The following GTF2I variants were observed in gnomAD, a reference collection of about 807,000 sequenced individuals.
GTF2I encodes general transcription factor IIi.
GTF2I carries 12 observed loss-of-function variants against 67.6 expected under a neutral mutation model. That is an observed-to-expected ratio of 0.18 (90% CI 0.11 to 0.29). The LOEUF (loss-of-function observed/expected upper bound fraction) is 0.29. Among genes scored for constraint, GTF2I ranks in the 10% least tolerant of loss-of-function variants. The probability of loss-of-function intolerance (pLI) is 1.00; values close to 1 mark genes in which losing one functional copy is unlikely to be tolerated. For synonymous variants in GTF2I, 149 were observed against 197.0 expected, an observed-to-expected ratio of 0.76 and a Z score of 2.04; for missense variants, 271 against 580.1, an observed-to-expected ratio of 0.47 and a Z score of 5.47.
chr7:74,698,016 C>A (rs587639871), intron 3 of GTF2I, among the ~76,000 whole-genome samples: 1 of 151,566 alleles, frequency 6.6e-6, no homozygotes, highest in East Asian at 2.0e-4. Flanking sequence ...AGTGCAGTGG[C>A]GCAATTTCCG....
At chr7:74,688,207 T>C (rs1483080978) in intron 1 of GTF2I, among the ~76,000 whole-genome samples, 1 of 151,874 alleles carries the variant, frequency 6.6e-6, no homozygotes, top group Non-Finnish European at 1.5e-5. Flanking sequence ...GACTCTTGAG[T>C]AGCCGGGATT....
chr7:74,675,736 C>T (rs587659268), intron 1 of GTF2I, among the ~76,000 whole-genome samples: 146 of 151,936 alleles, frequency 9.6e-4, no homozygotes, highest in Non-Finnish European at 1.4e-3. Flanking sequence ...GGGGGCTGGG[C>T]GCAGTGGCTC....
intron 1 of GTF2I, among the ~76,000 whole-genome samples, chr7:74,682,669 A>G (rs1554394418): frequency 6.6e-6 from 1 of 152,200 alleles, no homozygotes; most frequent in East Asian, 1.9e-4. Context: ...TCACTAAGAT[A>G]ATTAGGCATA....
chr7:74,693,850 A>G (rs1468581519), intron 3 of GTF2I, among the ~76,000 whole-genome samples: 4 of 152,004 alleles, frequency 2.6e-5, no homozygotes, highest in East Asian at 1.9e-4. Flanking sequence ...GTCTCAACGA[A>G]AAAAAAAGGA....
chr7:74,676,977 T>G (rs1805956697), intron 1 of GTF2I, among the ~76,000 whole-genome samples: 1 of 152,030 alleles, frequency 6.6e-6, no homozygotes, highest in South Asian at 2.1e-4. Flanking sequence ...GAGAATTGCT[T>G]GAACCCAAGA....
intron 6 of GTF2I, 25 bp downstream of exon 6, chr7:74,700,659 ATAGC>A (rs1789602638): frequency 6.2e-7 from 1 of 1,610,304 alleles, no homozygotes; most frequent in South Asian, 1.1e-5. Flanking sequence ...TGCTTCCTTG[ATAGC>A]TGGCTGGCCT....
intron 18 of GTF2I, 131 bp from the exon 19 acceptor site, chr7:74,737,913 AT>A (rs879945799): frequency 6.8e-4 from 76 of 112,506 alleles, no homozygotes; most frequent in African/African-American, 2.5e-3. Flanking sequence ...CACCAAAATG[AT>A]TTTTTTTTCA....
chr7:74,709,243 T>A (rs587690771), intron 8 of GTF2I, among the ~76,000 whole-genome samples: 2 of 152,274 alleles, frequency 1.3e-5, no homozygotes, highest in East Asian at 3.9e-4. Context: ...TTTACCTTTT[T>A]ATTTTTATTT....
At chr7:74,712,075 G>A (rs1027856683) in intron 9 of GTF2I, among the ~76,000 whole-genome samples, 7 of 150,746 alleles carry the variant, frequency 4.6e-5, no homozygotes, top group Non-Finnish European at 8.9e-5. Flanking sequence ...TCAGCCTCCC[G>A]AATAGCTGGG....
intron 15 of GTF2I, among the ~76,000 whole-genome samples, chr7:74,733,092 G>A (rs1489940198): frequency 2.3e-5 from 3 of 129,780 alleles, no homozygotes; most frequent in African/African-American, 8.7e-5. Flanking sequence ...TCAGACTCCC[G>A]AGTAGCTGAG....
chr7:74,681,685 ACGG>A (rs1554394177), intron 1 of GTF2I, among the ~76,000 whole-genome samples: 1 of 152,154 alleles, frequency 6.6e-6, no homozygotes, highest in Non-Finnish European at 1.5e-5. Flanking sequence ...CCCAAAGCAG[ACGG>A]ATCAACTGAG....
chr7:74,664,443 TG>T (rs1804793011), intron 1 of GTF2I, among the ~76,000 whole-genome samples: 1 of 152,168 alleles, frequency 6.6e-6, no homozygotes, highest in South Asian at 2.1e-4. Flanking sequence ...TTTCTGTTTT[TG>T]TTTTTTTGAG....
chr7:74,689,906 A>C (rs1324620471), intron 2 of GTF2I, among the ~76,000 whole-genome samples: 1 of 151,806 alleles, frequency 6.6e-6, no homozygotes, highest in Non-Finnish European at 1.5e-5. Context: ...TAGTAGAGAC[A>C]GGGTTTCACC....
intron 6 of GTF2I, among the ~76,000 whole-genome samples, chr7:74,701,877 T>TAA (rs1789822231): frequency 6.6e-6 from 1 of 152,212 alleles, no homozygotes; most frequent in African/African-American, 2.4e-5. Context: ...GCTTTCATCG[T>TAA]CCCTGTCTCT....
chr7:74,694,300 C>T (rs587663485), intron 3 of GTF2I, among the ~76,000 whole-genome samples: 3 of 152,062 alleles, frequency 2.0e-5, no homozygotes, highest in African/African-American at 7.2e-5. Flanking sequence ...AGGAAAGACA[C>T]AGTCAGCTGG....
At chr7:74,723,720 C>G (rs1487383708) in intron 12 of GTF2I, among the ~76,000 whole-genome samples, 2 of 151,910 alleles carry the variant, frequency 1.3e-5, no homozygotes, top group Admixed American at 6.6e-5. Flanking sequence ...CATGAACCAC[C>G]GCGCCTGGCC....
chr7:74,704,292 A>ATTTATTTATTTATTTT (rs1412934217), intron 6 of GTF2I, among the ~76,000 whole-genome samples: 6 of 149,260 alleles, frequency 4.0e-5, no homozygotes, highest in African/African-American at 7.4e-5. Flanking sequence ...TTATTTATTT[A>ATTTATTTATTTATTTT]TTTTTTTATT....
In GTF2I at chr7:74,723,428, C is replaced by CTTTTTTTTTTTTTTTTTT. The variant is rs58149301; in HGVS notation, c.943+4490_943+4507dup. Among the ~76,000 whole-genome samples, 86 of 61,068 alleles carry CTTTTTTTTTTTTTTTTTT rather than the reference C, an allele frequency of 1.4e-3. 23 individuals carry two copies. Among genetic ancestry groups the CTTTTTTTTTTTTTTTTTT allele is most frequent in the African/African-American group, 1.8e-3 (22 of 12,114 alleles). 40.1% of individuals were successfully genotyped at this position (61,068 alleles called of 152,430 possible). ...AGGCATAAGCCACCGCTCCCGGCCT[C>CTTTTTTTTTTTTTTTTTT]TTTTTTTTTTTTTTTTTTTTAAGAC... On this transcript the variant is annotated intron_variant, in intron 12 of 34. Coordinates refer to ENST00000573035, the MANE Select transcript of GTF2I (RefSeq NM_032999.4).
At chr7:74,723,428 CTTTTTTT>C (rs58149301) in intron 12 of GTF2I, among the ~76,000 whole-genome samples, 2 of 61,090 alleles carry the variant, frequency 3.3e-5, no homozygotes, top group African/African-American at 1.7e-4. Context: ...CTCCCGGCCT[CTTTTTTT>C]TTTTTTTTTT....
Sources: gnomAD v4.1 joint callset for allele counts (sites outside exome capture counted in the v4.1 genomes callset) on GRCh38, gnomAD v4.1.1 for gene constraint, MANE v1.5 for transcripts, NCBI Gene and HGNC (gene_info 2026-07-23, HGNC 2026-07-21) for gene names.